Variants in SLC25A48 observed in about 807,000 individuals in gnomAD.
SLC25A48 encodes the protein solute carrier family 25 member 48.
In SLC25A48, 29 loss-of-function variants were observed where a neutral mutation model predicts 32.2. That is an observed-to-expected ratio of 0.90 (90% CI 0.67 to 1.23). The LOEUF (loss-of-function observed/expected upper bound fraction) is 1.23. Among genes scored for constraint, SLC25A48 ranks in the 50% most tolerant of loss-of-function variants. The probability of loss-of-function intolerance (pLI) is 0.00; values close to 1 mark genes in which losing one functional copy is unlikely to be tolerated. For missense variants in SLC25A48, 399 were observed against 422.7 expected (o/e 0.94, Z 0.49); for synonymous variants, 164 against 172.3 (o/e 0.95, Z 0.38).
intron 3 of SLC25A48, among the ~76,000 whole-genome samples, chr5:135,735,595 A>G (rs570566401): frequency 8.5e-5 from 13 of 152,238 alleles, no homozygotes; most frequent in Admixed American, 6.5e-5. Flanking sequence ...TCACCTAGCT[A>G]TACTTGGGGA....
At chr5:135,831,191 C>T (rs907230104), upstream of SLC25A48, among the ~76,000 whole-genome samples, 9 of 152,294 alleles carry the variant, frequency 5.9e-5, no homozygotes, top group African/African-American at 1.7e-4. Context: ...CCAGGAAAGG[C>T]CAGGGGGAGT....
At chr5:135,828,181 T>C (rs1003741506) in intron 4 of SLC25A48, among the ~76,000 whole-genome samples, 3 of 152,194 alleles carry the variant, frequency 2.0e-5, no homozygotes, top group African/African-American at 7.2e-5. Flanking sequence ...GCAAAAGAGA[T>C]CCCAGATAAG....
intron 3 of SLC25A48, among the ~76,000 whole-genome samples, chr5:135,718,753 G>C (rs1754875991): frequency 6.6e-6 from 1 of 152,146 alleles, no homozygotes; most frequent in South Asian, 2.1e-4. Flanking sequence ...CAATCCCCAA[G>C]GGTTACTTAC....
intron 4 of SLC25A48, among the ~76,000 whole-genome samples, chr5:135,870,485 A>T (rs60611777): frequency 0.064 from 9,730 of 152,182 alleles, 725 homozygotes; most frequent in African/African-American, 0.18. Flanking sequence ...CCCCTAGAAG[A>T]AGCTGGAGAC....
chr5:135,746,426 C>G lies in SLC25A48; in HGVS notation c.-520-66097C>G, dbSNP rs147824803. 1.7e-3 allele frequency: 342 copies of G among 198,644 alleles called. 1 individual carries two copies. Among genetic ancestry groups the G allele is most frequent in the African/African-American group, 7.8e-3 (329 of 41,960 alleles). The allele number at this position is 198,644 out of a possible 1,614,324, so 12.3% of individuals were successfully genotyped here. ...TTTTGCCCTGCCACCCACGCCTCCTCCAGGAACTCACGTGAGGCACCTTCT... is the reference window on the plus strand; with the variant it reads ...TTTTGCCCTGCCACCCACGCCTCCTGCAGGAACTCACGTGAGGCACCTTCT... On this transcript the variant is annotated intron_variant, in intron 3 of 10. Transcript: ENST00000646290.
intron 1 of SLC25A48, among the ~76,000 whole-genome samples, chr5:135,590,164 C>G (rs1270128245): frequency 1.3e-5 from 2 of 152,196 alleles, no homozygotes; most frequent in Non-Finnish European, 2.9e-5. Flanking sequence ...ATATCCATGG[C>G]AAGATAAAAC....
intron 3 of SLC25A48, among the ~76,000 whole-genome samples, chr5:135,658,579 C>T (rs1475666578): frequency 2.0e-5 from 3 of 152,206 alleles, no homozygotes; most frequent in African/African-American, 7.2e-5. Flanking sequence ...ATGCAGTGCC[C>T]TAGTGGGGAC....
intron 3 of SLC25A48, among the ~76,000 whole-genome samples, chr5:135,709,620 A>G (rs908923801): frequency 6.6e-6 from 1 of 152,218 alleles, no homozygotes. Flanking sequence ...GAAGCACAGC[A>G]TGGTGTCTAA....
At chr5:135,838,601 G>T (rs1484783605) in intron 1 of SLC25A48, among the ~76,000 whole-genome samples, 1 of 152,218 alleles carries the variant, frequency 6.6e-6, no homozygotes, top group Non-Finnish European at 1.5e-5. Flanking sequence ...AGGGACCTCT[G>T]CTCTGTGCAG....
chr5:135,734,043 A>T (rs2126994321), intron 3 of SLC25A48, among the ~76,000 whole-genome samples: 1 of 152,344 alleles, frequency 6.6e-6, no homozygotes, highest in East Asian at 1.9e-4. Context: ...TTAGGCTCTA[A>T]AAGGCCATGG....
intron 1 of SLC25A48, among the ~76,000 whole-genome samples, chr5:135,589,767 T>G (rs1209619338): frequency 6.6e-6 from 1 of 152,194 alleles, no homozygotes; most frequent in Admixed American, 6.5e-5. Flanking sequence ...CGATCTTGGC[T>G]CACTGCAACC....
rs375231557 is a variant in SLC25A48, at chr5:135,714,132, C to G, written c.-521+79176C>G. Among the ~76,000 whole-genome samples, 5 of 152,312 alleles carry G rather than the reference C, an allele frequency of 3.3e-5. No individual in the cohort carries two copies. In the East Asian group the frequency reaches 9.7e-4, roughly 29 times the overall value. On this transcript the variant is annotated intron_variant, in intron 3 of 10. Coordinates refer to the SLC25A48 transcript ENST00000646290. The stretch of plus-strand genomic sequence containing the variant: ...GGGGCGCTGGGCTCCAGCTATCCAC[C>G]TGGAGCTGGTGAGGTGTGGCCAGAG...
At chr5:135,755,971 G>A (rs1023511535) in intron 3 of SLC25A48, among the ~76,000 whole-genome samples, 2 of 151,892 alleles carry the variant, frequency 1.3e-5, no homozygotes, top group African/African-American at 4.8e-5. Context: ...AAATATCACT[G>A]TGCTATATAT....
At chr5:135,625,634 A>G (rs756100530) in intron 1 of SLC25A48, among the ~76,000 whole-genome samples, 1 of 152,148 alleles carries the variant, frequency 6.6e-6, no homozygotes, top group Non-Finnish European at 1.5e-5. Context: ...CCTATTTGGT[A>G]TGCATCTGCT....
intron 4 of SLC25A48, among the ~76,000 whole-genome samples, chr5:135,861,392 A>G (rs1760783467): frequency 6.6e-6 from 1 of 152,004 alleles, no homozygotes; most frequent in South Asian, 2.1e-4. Context: ...GAATTAGACT[A>G]CCTGCTTATA....
At chr5:135,843,328 G>T (rs1179149800) in intron 2 of SLC25A48, among the ~76,000 whole-genome samples, 1 of 152,150 alleles carries the variant, frequency 6.6e-6, no homozygotes, top group Non-Finnish European at 1.5e-5. Flanking sequence ...AGGGGGGTAA[G>T]GTGCAGAGTT....
In SLC25A48 at chr5:135,729,380, T is replaced by G. The variant is rs1031577062; in HGVS notation, c.-520-83143T>G. Among the ~76,000 whole-genome samples, 6 of 152,188 alleles carry G rather than the reference T, an allele frequency of 3.9e-5. 1 individual carries two copies. Among genetic ancestry groups the G allele is most frequent in the Admixed American group, 3.9e-4 (6 of 15,284 alleles). ...TTTTTTTTTTTTTGGTCCCTGGGAATTTAAATAATTTGCTTGACTTTCTAG... is the reference window on the plus strand; with the variant it reads ...TTTTTTTTTTTTTGGTCCCTGGGAAGTTAAATAATTTGCTTGACTTTCTAG... On this transcript the variant is annotated intron_variant, in intron 3 of 10. Coordinates refer to the SLC25A48 transcript ENST00000646290.
intron 4 of SLC25A48, among the ~76,000 whole-genome samples, chr5:135,860,058 C>T (rs1013263357): frequency 2.6e-5 from 4 of 152,046 alleles, no homozygotes; most frequent in African/African-American, 7.2e-5. Context: ...TAGGGAAGGG[C>T]GATTATCATT....
chr5:135,602,766 C>T lies in SLC25A48; in HGVS notation c.-849+23169C>T, dbSNP rs575531789. 4.6e-5 allele frequency among the ~76,000 whole-genome samples: 7 copies of T among 152,210 alleles called. No homozygotes were observed. In the South Asian group the frequency reaches 1.0e-3, roughly 23 times the overall value. On this transcript the variant is annotated intron_variant, in intron 1 of 10. Transcript: ENST00000646290. ...CTCCTAATACTATCCCTCCCCTCTC[C>T]CCCCACCCCACGACAGGCCCTGGTG...
Sources: gnomAD v4.1 joint callset for allele counts (sites outside exome capture counted in the v4.1 genomes callset) on GRCh38, gnomAD v4.1.1 for gene constraint, MANE v1.5 for transcripts, NCBI Gene and HGNC (gene_info 2026-07-23, HGNC 2026-07-21) for gene names.